The following NEDD4L variants were observed in gnomAD, a reference collection of about 807,000 sequenced individuals.
NEDD4L encodes the protein NEDD4 like E3 ubiquitin protein ligase, also known as E3 ubiquitin-protein ligase NEDD4-like.
NEDD4L carries 54 observed loss-of-function variants against 148.9 expected under a neutral mutation model. That is an observed-to-expected ratio of 0.36 (90% confidence interval 0.29 to 0.45). NEDD4L has a LOEUF of 0.45. Ranked by LOEUF, NEDD4L falls within the 20% of genes least tolerant of loss-of-function variation. The pLI, the probability that NEDD4L is intolerant of heterozygous loss-of-function variation, is 1.00. For missense variants in NEDD4L, 856 were observed against 1,233.8 expected, an observed-to-expected ratio of 0.69 and a Z score of 4.59; for synonymous variants, 433 against 440.7, an observed-to-expected ratio of 0.98 and a Z score of 0.22.
At chr18:58,384,884 C>T (rs1401197536) in intron 25 of NEDD4L, among the ~76,000 whole-genome samples, 4 of 152,182 alleles carry the variant, frequency 2.6e-5, no homozygotes, top group South Asian at 2.1e-4. Context: ...ATTTGCCTTG[C>T]GATCAGTTTT....
At chr18:58,079,968 C>T (rs902900725) in intron 1 of NEDD4L, among the ~76,000 whole-genome samples, 1 of 152,188 alleles carries the variant, frequency 6.6e-6, no homozygotes, top group Admixed American at 6.5e-5. Context: ...CACTCTGTTG[C>T]CCAGGCTGGG....
chr18:58,112,868 A>G (rs1285708023), intron 1 of NEDD4L, among the ~76,000 whole-genome samples: 4 of 152,202 alleles, frequency 2.6e-5, no homozygotes, highest in Non-Finnish European at 5.9e-5. Flanking sequence ...CTAAACCCCA[A>G]TGGGATGGTA....
At chr18:58,087,611 ATGCCTGTAATCCCAGCAC>A (rs776872236) in intron 1 of NEDD4L, among the ~76,000 whole-genome samples, 2 of 152,200 alleles carry the variant, frequency 1.3e-5, no homozygotes, top group Non-Finnish European at 2.9e-5. Context: ...ACAGTGGCTC[ATGCCTGTAATCCCAGCAC>A]TTTGAGAGGC....
At chr18:58,395,004 G>A (rs972270279) in intron 30 of NEDD4L, among the ~76,000 whole-genome samples, 1 of 152,172 alleles carries the variant, frequency 6.6e-6, no homozygotes, top group African/African-American at 2.4e-5. Flanking sequence ...ACCTGGCCCC[G>A]TGTGACCTTG....
chr18:58,327,152 C>T (rs2144529396), intron 9 of NEDD4L, among the ~76,000 whole-genome samples: 1 of 152,318 alleles, frequency 6.6e-6, no homozygotes, highest in East Asian at 1.9e-4. Context: ...CTGTCACCCA[C>T]AGTGGCACCA....
chr18:58,055,108 A>T (rs183198720), intron 1 of NEDD4L, among the ~76,000 whole-genome samples: 1 of 152,208 alleles, frequency 6.6e-6, no homozygotes, highest in Non-Finnish European at 1.5e-5. Flanking sequence ...AAAGTAGGTT[A>T]TAAGACAGTG....
At position 58,256,565 on chromosome 18, in the gene NEDD4L, C is replaced by G. The variant is rs2048601939; in HGVS notation, c.297+4511C>G. ...TCGGGGAGCCCTGGAGGCATCGCCT[C>G]GAGCTGGCAGGATGGCTCCTGAAAT... On this transcript the variant is annotated intron_variant, in intron 5 of 30. Coordinates refer to ENST00000400345, the MANE Select transcript of NEDD4L (RefSeq NM_001144967.3). The surrounding 1 kb of genome is among the most constrained non-coding windows in gnomAD (Gnocchi z 5.2). 1 of 1,232,196 alleles carries G rather than the reference C, an allele frequency of 8.1e-7. No individual in the cohort carries two copies. The highest frequency in any genetic ancestry group is 4.1e-5 in the South Asian group (1 of 24,326). 76.3% of individuals were successfully genotyped at this position (1,232,196 alleles called of 1,614,324 possible). A position where few individuals can be genotyped will look rare whatever the true frequency, so the allele number is the denominator to read the frequency against.
chr18:58,169,902 T>C (rs2037356436), intron 2 of NEDD4L, among the ~76,000 whole-genome samples: 1 of 152,278 alleles, frequency 6.6e-6, no homozygotes, highest in Non-Finnish European at 1.5e-5. Context: ...TGCATAGTTC[T>C]GTGAGTGAGG....
At chr18:58,089,622 G>A (rs1292543599) in intron 1 of NEDD4L, among the ~76,000 whole-genome samples, 2 of 151,336 alleles carry the variant, frequency 1.3e-5, no homozygotes, top group African/African-American at 4.9e-5. Flanking sequence ...TCAGAAAAGT[G>A]AAAGGTGAAT....
chr18:58,291,158 A>T (rs578249453), intron 5 of NEDD4L, among the ~76,000 whole-genome samples: 1 of 147,996 alleles, frequency 6.8e-6, no homozygotes, highest in Non-Finnish European at 1.5e-5. Context: ...ACCAGCCCAC[A>T]TGGTCACACA....
intron 24 of NEDD4L, among the ~76,000 whole-genome samples, chr18:58,381,616 G>C (rs977052165): frequency 6.6e-5 from 10 of 152,170 alleles, no homozygotes; most frequent in Non-Finnish European, 1.3e-4. Context: ...CCAATGCCTG[G>C]GCTGGGATTT....
chr18:58,288,367 T>G (rs1365323839), intron 5 of NEDD4L, among the ~76,000 whole-genome samples: 1 of 152,184 alleles, frequency 6.6e-6, no homozygotes, highest in African/African-American at 2.4e-5. Flanking sequence ...ACTATAAAAT[T>G]TCTTGTTGTA....
At chr18:58,192,321 G>A (rs2040205506) in intron 2 of NEDD4L, among the ~76,000 whole-genome samples, 1 of 152,168 alleles carries the variant, frequency 6.6e-6, no homozygotes, top group African/African-American at 2.4e-5. Flanking sequence ...ATGATTTCTT[G>A]GTTCTGAGGC....
intron 1 of NEDD4L, among the ~76,000 whole-genome samples, chr18:58,123,438 G>A (rs1045321974): frequency 1.3e-5 from 2 of 152,016 alleles, no homozygotes; most frequent in Admixed American, 1.3e-4. Context: ...CCCCTTTCCG[G>A]TGCCCTCAGG....
At chr18:58,237,265 A>T (rs1375633503) in intron 2 of NEDD4L, among the ~76,000 whole-genome samples, 1 of 152,074 alleles carries the variant, frequency 6.6e-6, no homozygotes, top group Non-Finnish European at 1.5e-5. Flanking sequence ...TGTATGGTGG[A>T]TGCTCCTTGA....
chr18:58,248,495 C>G (rs533652155), intron 3 of NEDD4L, among the ~76,000 whole-genome samples: 15 of 152,068 alleles, frequency 9.9e-5, no homozygotes, highest in Non-Finnish European at 1.9e-4. Flanking sequence ...ACAATGAACA[C>G]ATTCAACTTT....
intron 2 of NEDD4L, among the ~76,000 whole-genome samples, chr18:58,207,348 G>A (rs1025161953): frequency 6.6e-6 from 1 of 151,040 alleles, no homozygotes; most frequent in Non-Finnish European, 1.5e-5. Context: ...ATTGGAAACA[G>A]CGCTTGTTTA....
intron 2 of NEDD4L, among the ~76,000 whole-genome samples, chr18:58,203,010 C>T (rs1218506300): frequency 6.6e-6 from 1 of 152,052 alleles, no homozygotes; most frequent in African/African-American, 2.4e-5. Flanking sequence ...CTTCGTCACC[C>T]AGGCTGAAGG....
At chr18:58,125,361 G>T (rs545709330) in intron 1 of NEDD4L, among the ~76,000 whole-genome samples, 5 of 34,078 alleles carry the variant, frequency 1.5e-4, no homozygotes, top group Non-Finnish European at 1.7e-4. Context: ...CCAGGAGGGT[G>T]TGTGTGTGTG....
Sources: gnomAD v4.1 joint callset for allele counts (sites outside exome capture counted in the v4.1 genomes callset) on GRCh38, gnomAD v4.1.1 for gene constraint, Gnocchi (gnomAD v3.1) non-coding constraint, MANE v1.5 for transcripts, NCBI Gene and HGNC (gene_info 2026-07-23, HGNC 2026-07-21) for gene names.